The following IRF8 variants were observed in gnomAD, a reference collection of about 807,000 sequenced individuals.
IRF8 encodes the protein interferon consensus sequence binding protein 1.
IRF8 carries 14 observed loss-of-function variants against 48.7 expected under a neutral mutation model. The ratio of observed to expected loss-of-function variants is 0.29; its 90% confidence interval spans 0.19 to 0.45. The LOEUF (loss-of-function observed/expected upper bound fraction) is 0.45. Ranked by LOEUF, IRF8 falls within the 20% of genes least tolerant of loss-of-function variation. The pLI is 1.00. For missense variants in IRF8, 493 were observed against 580.7 expected, an observed-to-expected ratio of 0.85 and a Z score of 1.55; for synonymous variants, 278 against 227.3, an observed-to-expected ratio of 1.22 and a Z score of -2.01.
intron 2 of IRF8, among the ~76,000 whole-genome samples, chr16:85,907,671 C>T (rs890390717): frequency 4.6e-5 from 7 of 151,258 alleles, no homozygotes; most frequent in Non-Finnish European, 8.8e-5. Context: ...AGTGAGACTC[C>T]GTCTCAAAAA....
chr16:85,917,506 C>G (rs1905353167), intron 6 of IRF8, among the ~76,000 whole-genome samples: 1 of 152,140 alleles, frequency 6.6e-6, no homozygotes, highest in Non-Finnish European at 1.5e-5. Context: ...AAATGAGAAC[C>G]CACTATCATT....
intron 1 of IRF8, among the ~76,000 whole-genome samples, chr16:85,899,738 T>A (rs1904766537): frequency 6.6e-6 from 1 of 152,202 alleles, no homozygotes; most frequent in Admixed American, 6.5e-5. Flanking sequence ...TGAGGGCCTT[T>A]GCTTCCATCA....
At chr16:85,917,965 T>C (rs1019757623) in intron 6 of IRF8, among the ~76,000 whole-genome samples, 2 of 152,234 alleles carry the variant, frequency 1.3e-5, no homozygotes, top group Non-Finnish European at 2.9e-5. Context: ...GATTATGTCT[T>C]TATTTTCTTT....
At chr16:85,904,812 C>CTTTTTTTTTTTTTTTGTTTTT (rs1904942268) in intron 2 of IRF8, among the ~76,000 whole-genome samples, 1 of 87,598 alleles carries the variant, frequency 1.1e-5, no homozygotes, top group Non-Finnish European at 2.1e-5. Flanking sequence ...GATTGCAGAT[C>CTTTTTTTTTTTTTTTGTTTTT]TTTTTTTTTT....
Position 85,918,639 on chromosome 16 carries a change from AGCGCGGGGT to A in IRF8, c.827_835del (p.Arg276_Val278del). 1 of 1,609,074 alleles carries A rather than the reference AGCGCGGGGT, an allele frequency of 6.2e-7. No homozygotes were observed. Among genetic ancestry groups the A allele is most frequent in the Non-Finnish European group, 8.5e-7 (1 of 1,179,588 alleles). On this transcript the variant is annotated inframe_deletion, in exon 7 of 9. Coordinates refer to ENST00000268638, the MANE Select transcript of IRF8 (RefSeq NM_002163.4). Reference sequence around the variant, plus strand: ...ACGCGGAAGCTGTTCGGGCACCTGGAGCGCGGGGTGCTGCTGCACAGCAGCCGGCAGGGC... The same window carrying A: ...ACGCGGAAGCTGTTCGGGCACCTGGAGCTGCTGCACAGCAGCCGGCAGGGC...
At chr16:85,899,643 A>C (rs2152097382) in intron 1 of IRF8, among the ~76,000 whole-genome samples, 1 of 152,292 alleles carries the variant, frequency 6.6e-6, no homozygotes, top group African/African-American at 2.4e-5. Context: ...ACCAGTCGTT[A>C]CTGAGGGTTA....
chr16:85,906,111 G>C (rs542970905), intron 2 of IRF8, among the ~76,000 whole-genome samples: 36 of 152,294 alleles, frequency 2.4e-4, no homozygotes, highest in African/African-American at 8.2e-4. Flanking sequence ...TCCAGGCATC[G>C]TAACAGTCCT....
chr16:85,919,897 C>T (rs995001628), intron 7 of IRF8, among the ~76,000 whole-genome samples: 1 of 152,336 alleles, frequency 6.6e-6, no homozygotes, highest in South Asian at 2.1e-4. Flanking sequence ...GGCGTTCAAA[C>T]GAGGCATTAA....
intron 7 of IRF8, among the ~76,000 whole-genome samples, chr16:85,919,140 CAG>C (rs1905442904): frequency 6.6e-6 from 1 of 152,142 alleles, no homozygotes; most frequent in Non-Finnish European, 1.5e-5. Context: ...GCTAGAGACA[CAG>C]AGTCTGAGGC....
chr16:85,903,399 C>T (rs542112625), intron 2 of IRF8: 6 of 580,744 alleles, frequency 1.0e-5, no homozygotes, highest in East Asian at 3.0e-5. Context: ...CTTTTGTGGT[C>T]GCTTGTATTC....
rs57770209 is a variant in IRF8, at chr16:85,918,487, C to T, written c.672C>T (p.Pro224=). 3.3e-3 allele frequency: 5,320 copies of T among 1,591,368 alleles called. 132 individuals carry two copies. In the African/African-American group the frequency reaches 0.062, roughly 19 times the overall value. ...TGGGCCAGGCCACCACCACCTGCCC[C>T]GAGGGCTGCCGCCTGTCCCTGAGCC... ...KLVGQATTTC[P]EGCRLSLSQP... The change falls in exon 7 of 9, where the codon CCC becomes CCT. Residue 224 remains proline, a synonymous_variant. Transcript: ENST00000268638.
intron 4 of IRF8, among the ~76,000 whole-genome samples, chr16:85,912,608 C>T (rs1905178087): frequency 6.6e-6 from 1 of 152,198 alleles, no homozygotes; most frequent in Admixed American, 6.5e-5. Flanking sequence ...TCTGCTGACT[C>T]AGCTGAGAGA....
At position 85,920,102 on chromosome 16, in the gene IRF8, A is replaced by T; in HGVS notation, c.989-7A>T. On this transcript the variant is annotated splice_polypyrimidine_tract_variant and splice_region_variant and intron_variant, in intron 7 of 8. Transcript: ENST00000268638. ...CTTGCAAACACCCTCTGCCTGTGTC[A>T]TTCCAGAGCTGCAGCAGTTCTATAA... 1 of 1,608,552 alleles carries T rather than the reference A, an allele frequency of 6.2e-7. No homozygotes were observed. The highest frequency in any genetic ancestry group is 2.2e-5 in the East Asian group (1 of 44,848).
At position 85,918,815 on chromosome 16, in the gene IRF8, C is replaced by A. The variant is rs577957168; in HGVS notation, c.988+12C>A. 2.5e-6 allele frequency: 4 copies of A among 1,604,972 alleles called. No homozygotes were observed. Among genetic ancestry groups the A allele is most frequent in the Non-Finnish European group, 3.4e-6 (4 of 1,179,978 alleles). ...CCAGTTCTTCCGAGGTCTGTACCGTCGTCACCTTGCTGCCCCCACATCTTA... is the reference window on the plus strand; with the variant it reads ...CCAGTTCTTCCGAGGTCTGTACCGTAGTCACCTTGCTGCCCCCACATCTTA... On this transcript the variant is annotated intron_variant, in intron 7 of 8. Coordinates refer to ENST00000268638, the MANE Select transcript of IRF8 (RefSeq NM_002163.4).
At chr16:85,911,716 T>C in intron 4 of IRF8, 58 bp downstream of exon 4, 5 of 1,462,102 alleles carry the variant, frequency 3.4e-6, no homozygotes, top group Non-Finnish European at 3.8e-6. Flanking sequence ...TCATGTCTTC[T>C]GGCAGGGAGG....
chr16:85,905,213 G>A (rs1215657978), intron 2 of IRF8, among the ~76,000 whole-genome samples: 1 of 152,208 alleles, frequency 6.6e-6, no homozygotes, highest in African/African-American at 2.4e-5. Context: ...GTTGGGTGCT[G>A]AAGGCACAGT....
rs753420970 is a variant in IRF8, at chr16:85,913,116, C to T, written c.448-15C>T. ...GTGACTGAGCTGCCCTCCTCTCCCTCCCCTGACTGTGCAGCCTTCTGTGGA... is the reference window on the plus strand; with the variant it reads ...GTGACTGAGCTGCCCTCCTCTCCCTTCCCTGACTGTGCAGCCTTCTGTGGA... On this transcript the variant is annotated splice_polypyrimidine_tract_variant and intron_variant, in intron 4 of 8. Transcript: ENST00000268638. 1 of 1,602,104 alleles carries T rather than the reference C, an allele frequency of 6.2e-7. No individual in the cohort carries two copies. The highest frequency in any genetic ancestry group is 8.6e-7 in the Non-Finnish European group (1 of 1,168,984).
chr16:85,916,445 C>T (rs1023470854), intron 6 of IRF8, among the ~76,000 whole-genome samples: 3 of 152,220 alleles, frequency 2.0e-5, no homozygotes, highest in Non-Finnish European at 1.5e-5. Context: ...CAGGCCCTTA[C>T]TGTTGCAGAA....
At chr16:85,917,652 A>G (rs12926854) in intron 6 of IRF8, among the ~76,000 whole-genome samples, 34,199 of 152,236 alleles carry the variant, frequency 0.22, 4,196 homozygotes, top group Middle Eastern at 0.39. Context: ...CCCTAAGTTC[A>G]GTGCCATTAT....
Sources: allele counts gnomAD v4.1 joint callset (sites outside exome capture counted in the v4.1 genomes callset), GRCh38; gene constraint gnomAD v4.1.1; transcripts MANE v1.5; gene names NCBI Gene and HGNC (gene_info 2026-07-23, HGNC 2026-07-21).